PCDHA11: variants seen among roughly 807,000 people sequenced by gnomAD.
PCDHA11 encodes the protein protocadherin alpha-11.
PCDHA11 carries 61 observed loss-of-function variants against 70.3 expected under a neutral mutation model. The ratio of observed to expected loss-of-function variants is 0.87; its 90% CI spans 0.71 to 1.07. PCDHA11 has a LOEUF of 1.07. Ranked by LOEUF, PCDHA11 falls within the 50% of genes least tolerant of loss-of-function variation. PCDHA11 has a pLI of 0.00. For missense variants in PCDHA11, 1,324 were observed against 1,237.5 expected (o/e 1.07, Z -1.05); for synonymous variants, 633 against 555.1 (o/e 1.14, Z -1.97).
At chr5:140,908,668 A>C (rs2074091776) in intron 1 of PCDHA11, among the ~76,000 whole-genome samples, 1 of 152,194 alleles carries the variant, frequency 6.6e-6, no homozygotes, top group Non-Finnish European at 1.5e-5. Flanking sequence ...AAAGGCTCCA[A>C]ATAGCATCCC....
At chr5:140,921,101 C>A (rs1331761775) in intron 1 of PCDHA11, among the ~76,000 whole-genome samples, 1 of 152,002 alleles carries the variant, frequency 6.6e-6, no homozygotes, top group Non-Finnish European at 1.5e-5. Context: ...CTGCCTCAGT[C>A]TCCTAAGTAG....
chr5:140,935,554 GA>G (rs2090429733), intron 1 of PCDHA11, among the ~76,000 whole-genome samples: 1 of 152,134 alleles, frequency 6.6e-6, no homozygotes, highest in Non-Finnish European at 1.5e-5. Flanking sequence ...AAGTATCTTG[GA>G]AAAGTTCCTC....
At chr5:141,001,333 T>G (rs1554258097) in intron 3 of PCDHA11, among the ~76,000 whole-genome samples, 1 of 152,178 alleles carries the variant, frequency 6.6e-6, no homozygotes, top group African/African-American at 2.4e-5. Context: ...TCACCATAAT[T>G]TACATGATGT....
At chr5:140,942,916 A>G (rs2093393160) in intron 1 of PCDHA11, among the ~76,000 whole-genome samples, 1 of 152,158 alleles carries the variant, frequency 6.6e-6, no homozygotes, top group Non-Finnish European at 1.5e-5. Context: ...GCGTGAAGAA[A>G]AAAAAAATTG....
intron 3 of PCDHA11, among the ~76,000 whole-genome samples, chr5:140,984,358 A>G (rs1443365008): frequency 1.3e-5 from 2 of 152,234 alleles, no homozygotes; most frequent in Admixed American, 1.3e-4. Flanking sequence ...TATTTCATAC[A>G]TCTGGCCAAG....
intron 1 of PCDHA11, among the ~76,000 whole-genome samples, chr5:140,874,292 G>C (rs1554167129): frequency 2.0e-5 from 3 of 152,146 alleles, no homozygotes; most frequent in Non-Finnish European, 4.4e-5. Context: ...AAATCTATGT[G>C]TACTTGTTCA....
At chr5:140,988,556 C>G (rs574182013) in intron 3 of PCDHA11, among the ~76,000 whole-genome samples, 2 of 152,158 alleles carry the variant, frequency 1.3e-5, no homozygotes, top group Non-Finnish European at 2.9e-5. Flanking sequence ...TCTTCATCTT[C>G]TTCTTGGGAA....
chr5:140,910,869 C>T (rs2153516135), intron 1 of PCDHA11, among the ~76,000 whole-genome samples: 1 of 152,264 alleles, frequency 6.6e-6, no homozygotes, highest in Non-Finnish European at 1.5e-5. Context: ...CCACCATTAT[C>T]CCACACCCTT....
intron 1 of PCDHA11, among the ~76,000 whole-genome samples, chr5:140,949,544 T>C (rs981428881): frequency 5.3e-5 from 8 of 151,908 alleles, no homozygotes; most frequent in Non-Finnish European, 1.2e-4. Flanking sequence ...TATCGATTTG[T>C]TGCTGGTCAT....
At chr5:140,871,783 G>C (rs1460496699) in intron 1 of PCDHA11, among the ~76,000 whole-genome samples, 3 of 152,196 alleles carry the variant, frequency 2.0e-5, no homozygotes, top group African/African-American at 7.2e-5. Flanking sequence ...GTAGTCACTT[G>C]AGTAGAAATA....
chr5:140,875,688 G>A (rs1554167865), intron 1 of PCDHA11: 7 of 1,614,004 alleles, frequency 4.3e-6, no homozygotes, highest in Non-Finnish European at 4.2e-6. Context: ...AAAGACACGG[G>A]GACCTTCTGG....
rs957445106 is a variant in PCDHA11, at chr5:140,980,862, G to A, written c.2451-1613G>A. Among the ~76,000 whole-genome samples the A allele has an allele frequency of 5.1e-4, 77 of 152,202 alleles. 2 individuals are homozygous for A. Among genetic ancestry groups the A allele is most frequent in the African/African-American group, 1.7e-3 (72 of 41,546 alleles). ...AATAATACTAATCTTTTTCGTATGT[G>A]TGCTTGGGTGTTCTCGGTCTTTCCA... On this transcript the variant is annotated intron_variant, in intron 2 of 3. Coordinates refer to ENST00000398640, the MANE Select transcript of PCDHA11 (RefSeq NM_018902.5).
Position 140,871,064 on chromosome 5 carries a change from G to A in PCDHA11, c.1961G>A (p.Gly654Asp), listed in dbSNP as rs369373152. The A allele has an allele frequency of 5.6e-6, 9 of 1,613,116 alleles. No individual in the cohort carries two copies. Among genetic ancestry groups the A allele is most frequent in the Middle Eastern group, 1.6e-4 (1 of 6,084 alleles). ...CTTCTAGTACTGGTGAAGGATCACG[G>A]TGAGCCGGCGCTGACGGCCACGGCC... Reference protein sequence around the residue: ...HRLLVLVKDHGEPALTATATV... With the variant: ...HRLLVLVKDHDEPALTATATV... Residue 654 changes from glycine (G) to aspartate (D), a missense_variant, in exon 1 of 4, where the codon GGT becomes GAT. By Grantham distance (94) the Gly-to-Asp change is moderately conservative. Coordinates refer to ENST00000398640, the MANE Select transcript of PCDHA11 (RefSeq NM_018902.5).
intron 1 of PCDHA11, chr5:140,966,271 T>C: frequency 2.8e-6 from 1 of 355,706 alleles, no homozygotes; most frequent in Non-Finnish European, 5.0e-6. Flanking sequence ...CTGGATGAAC[T>C]GGACAGTGGG....
intron 1 of PCDHA11, 142 bp downstream of exon 1, chr5:140,871,636 T>G (rs1311531075): frequency 1.5e-6 from 2 of 1,364,670 alleles, no homozygotes; most frequent in African/African-American, 2.9e-5. Flanking sequence ...TGTCTGTTCA[T>G]AAAATACCAA....
At chr5:140,948,957 C>G (rs1338643900) in intron 1 of PCDHA11, among the ~76,000 whole-genome samples, 2 of 151,542 alleles carry the variant, frequency 1.3e-5, no homozygotes, top group Admixed American at 1.3e-4. Context: ...AAATTAAAGC[C>G]ACGAATTTAT....
chr5:140,870,305 A>G lies in PCDHA11; in HGVS notation c.1202A>G (p.Lys401Arg), dbSNP rs201733980. 1.4e-4 allele frequency: 226 copies of G among 1,614,156 alleles called. No homozygotes were observed. In the African/African-American group the frequency reaches 2.3e-3, roughly 17 times the overall value. The change falls in exon 1 of 4, where the codon AAG becomes AGG. Residue 401 changes from lysine (K) to arginine (R), a missense_variant. By Grantham distance (26) the Lys-to-Arg change is conservative. Transcript: ENST00000398640. ...CCCTTCAAGCTGGTGTCCACCTTCA[A>G]GAATTACTACTCGTTGGTGCTGGAC... The part of the protein sequence containing the change: ...HVPFKLVSTF[K>R]NYYSLVLDSA...
intron 1 of PCDHA11, chr5:140,883,598 G>A: frequency 6.2e-7 from 1 of 1,614,008 alleles, no homozygotes; most frequent in Middle Eastern, 1.7e-4. Context: ...CGTGTCGGTG[G>A]GGGTGGCCGA....
chr5:141,004,632 GA>G (rs1401867459), intron 3 of PCDHA11, among the ~76,000 whole-genome samples: 19 of 152,200 alleles, frequency 1.2e-4, no homozygotes, highest in African/African-American at 3.4e-4. Context: ...TATGGTTGAA[GA>G]AAAATTTCCA....
Sources: gnomAD v4.1 joint callset for allele counts (sites outside exome capture counted in the v4.1 genomes callset) on GRCh38, gnomAD v4.1.1 for gene constraint, MANE v1.5 for transcripts, NCBI Gene and HGNC (gene_info 2026-07-23, HGNC 2026-07-21) for gene names.